LINC00632: variants seen among roughly 807,000 people sequenced by gnomAD.
LINC00632 encodes long independently transcribed non-coding RNA 632, also known as ALDOA related specific transcript.
chrX:140,753,815 G>A (rs1386835323), intron 3 of LINC00632, among the ~76,000 whole-genome samples: 14 of 77,634 alleles, frequency 1.8e-4, no homozygotes, highest in African/African-American at 2.8e-4. Flanking sequence ...TTGCTCTGTC[G>A]CCCAGGCTGA....
exon 5 of LINC00632, among the ~76,000 whole-genome samples, chrX:140,776,139 G>T (rs1931867826): frequency 9.0e-6 from 1 of 111,709 alleles, no homozygotes. Flanking sequence ...CTTCTCAAAA[G>T]AAGACACTTA....
intron 3 of LINC00632, among the ~76,000 whole-genome samples, chrX:140,738,479 G>A (rs747371205): frequency 3.6e-5 from 4 of 112,344 alleles, no homozygotes; most frequent in Non-Finnish European, 5.6e-5. Flanking sequence ...TCTGCCAGAT[G>A]CTTCTGTGAG....
chrX:140,754,855 C>T (rs1236878085), intron 3 of LINC00632, among the ~76,000 whole-genome samples: 2 of 109,669 alleles, frequency 1.8e-5, no homozygotes, highest in African/African-American at 6.6e-5. Flanking sequence ...TTTTTTTAGC[C>T]TCACCCTCAA....
chrX:140,789,633 C>T (rs1376616188), exon 5 of LINC00632, among the ~76,000 whole-genome samples: 2 of 112,066 alleles, frequency 1.8e-5, no homozygotes, highest in Non-Finnish European at 3.8e-5. Context: ...TTATTTTTGA[C>T]TTTTGTCAGT....
At position 140,757,930 on chromosome X, in the gene LINC00632, C is replaced by T. The variant is rs751605373; in HGVS notation, n.192-14148C>T. On this transcript the variant is annotated intron_variant and non_coding_transcript_variant, in intron 3 of 4. Transcript: ENST00000648200. ...GTGTGTCAAAGCATCTAGGACTGTA[C>T]TTGACACTGAGTTGGTTCTCTGAAA... Among the ~76,000 whole-genome samples the T allele has an allele frequency of 6.3e-5, 7 of 111,711 alleles. No individual in the cohort carries two copies. The South Asian group carries it at 2.7e-3, about 43-fold the overall frequency.
chrX:140,742,267 A>G (rs1392492620), intron 3 of LINC00632, among the ~76,000 whole-genome samples: 14 of 111,804 alleles, frequency 1.3e-4, no homozygotes, highest in African/African-American at 4.6e-4. Context: ...TTTGTGCTGA[A>G]TATCTTGAAA....
chrX:140,729,297 G>T (rs1931018681), intron 2 of LINC00632, among the ~76,000 whole-genome samples: 1 of 109,294 alleles, frequency 9.1e-6, no homozygotes, highest in Non-Finnish European at 1.9e-5. Context: ...GCCCGAAAAT[G>T]CACAGAATTG....
At chrX:140,743,211 C>T (rs1183681885) in intron 3 of LINC00632, among the ~76,000 whole-genome samples, 1 of 60,783 alleles carries the variant, frequency 1.6e-5, no homozygotes, top group African/African-American at 9.9e-5. Flanking sequence ...GGCGACAGAG[C>T]AAAACGCTGT....
At chrX:140,717,568 C>T (rs955929998) in intron 2 of LINC00632, among the ~76,000 whole-genome samples, 8 of 111,120 alleles carry the variant, frequency 7.2e-5, no homozygotes, top group Non-Finnish European at 1.3e-4. Context: ...AGCAAACCCA[C>T]GCCCACAATG....
intron 3 of LINC00632, among the ~76,000 whole-genome samples, chrX:140,771,639 ACACAC>A (rs1931795971): frequency 1.1e-5 from 1 of 92,948 alleles, no homozygotes; most frequent in Non-Finnish European, 2.1e-5. Context: ...ACACACACAC[ACACAC>A]ATACATATAT....
rs1169023662 is a variant in LINC00632, at chrX:140,787,934, C to T, written n.15953C>T. Among the ~76,000 whole-genome samples the T allele has an allele frequency of 3.6e-5, 4 of 110,248 alleles. No homozygotes were observed. The East Asian group carries it at 8.5e-4, about 23-fold the overall frequency. On this transcript the variant is annotated non_coding_transcript_exon_variant, in exon 5 of 5. Transcript: ENST00000648200. ...AATGGATAAATCATGGTATATTTCA[C>T]GTAAAATATTATATAGTCATTATAT...
chrX:140,777,924 T>C (rs1434118987), exon 5 of LINC00632, among the ~76,000 whole-genome samples: 1 of 112,162 alleles, frequency 8.9e-6, no homozygotes, highest in African/African-American at 3.2e-5. Flanking sequence ...CATTGTGTAA[T>C]TGTGCTCATG....
chrX:140,791,187 A>ATAAT (rs1473697260), exon 5 of LINC00632, among the ~76,000 whole-genome samples: 19 of 110,950 alleles, frequency 1.7e-4, no homozygotes, highest in African/African-American at 6.0e-4. Context: ...TGATTGACTT[A>ATAAT]TAATTTTATC....
At chrX:140,746,156 T>C (rs748159937) in intron 3 of LINC00632, among the ~76,000 whole-genome samples, 2 of 112,687 alleles carry the variant, frequency 1.8e-5, no homozygotes, top group South Asian at 7.3e-4. Flanking sequence ...GTGGAATGAT[T>C]AACTCAAACT....
At chrX:140,775,076 A>G (rs1197817571) in exon 5 of LINC00632, among the ~76,000 whole-genome samples, 1 of 111,998 alleles carries the variant, frequency 8.9e-6, no homozygotes, top group Non-Finnish European at 1.9e-5. Context: ...TTAAATTTCC[A>G]GATTTCCTTT....
exon 5 of LINC00632, among the ~76,000 whole-genome samples, chrX:140,789,704 G>T (rs1932078594): frequency 1.8e-5 from 2 of 111,714 alleles, no homozygotes. Context: ...AATTTGTAAA[G>T]TTAAGCAACT....
exon 5 of LINC00632, among the ~76,000 whole-genome samples, chrX:140,788,711 T>C (rs996296529): frequency 1.9e-5 from 2 of 102,932 alleles, no homozygotes; most frequent in Non-Finnish European, 4.1e-5. Flanking sequence ...ATGTTAACAA[T>C]AGTTGCTTCT....
chrX:140,784,393 G>GA, exon 5 of LINC00632: 1 of 1,200,640 alleles, frequency 8.3e-7, no homozygotes, highest in South Asian at 1.8e-5. Context: ...ACGTCTTCCA[G>GA]AAAATATATG....
intron 2 of LINC00632, among the ~76,000 whole-genome samples, chrX:140,723,040 C>CAA (rs200591996): frequency 0.48 from 41,479 of 86,781 alleles, 8,958 homozygotes; most frequent in South Asian, 0.73. Flanking sequence ...AACTCCATCT[C>CAA]AAAAAAAAAA....
Sources: gnomAD v4.1 joint callset for allele counts (sites outside exome capture counted in the v4.1 genomes callset) on GRCh38, gnomAD v4.1.1 for gene constraint, MANE v1.5 for transcripts, NCBI Gene and HGNC (gene_info 2026-07-23, HGNC 2026-07-21) for gene names.